Variants in GRIK1 observed in about 807,000 individuals in gnomAD.
GRIK1 encodes glutamate receptor ionotropic, kainate 1.
Under a neutral mutation model 105.7 loss-of-function variants are expected in GRIK1, and 69 were observed. The ratio of observed to expected loss-of-function variants is 0.65; its 90% CI spans 0.54 to 0.80. GRIK1 has a LOEUF of 0.80. Among genes scored for constraint, GRIK1 ranks in the 30% least tolerant of loss-of-function variants. The pLI, the probability that GRIK1 is intolerant of heterozygous loss-of-function variation, is 0.00. For synonymous variants in GRIK1, 438 were observed against 431.3 expected, an observed-to-expected ratio of 1.02 and a Z score of -0.19; for missense variants, 1,109 against 1,167.3, an observed-to-expected ratio of 0.95 and a Z score of 0.73.
chr21:29,903,256 G>A (rs187350061), intron 1 of GRIK1, among the ~76,000 whole-genome samples: 113 of 152,172 alleles, frequency 7.4e-4, no homozygotes, highest in African/African-American at 2.6e-3. Context: ...CAAAAGTGAT[G>A]GCAACAAAAG....
At chr21:29,673,640 A>G (rs1340100185) in intron 3 of GRIK1, among the ~76,000 whole-genome samples, 1 of 152,152 alleles carries the variant, frequency 6.6e-6, no homozygotes, top group African/African-American at 2.4e-5. Flanking sequence ...CAGCTAATTA[A>G]TTGGGTTGCT....
intron 1 of GRIK1, among the ~76,000 whole-genome samples, chr21:29,885,452 AT>A (rs1236000128): frequency 6.6e-5 from 10 of 152,102 alleles, no homozygotes; most frequent in Admixed American, 6.6e-4. Flanking sequence ...CTGCAAAAAA[AT>A]CTTGTGATAT....
At chr21:29,836,481 G>T (rs2067809614) in intron 1 of GRIK1, among the ~76,000 whole-genome samples, 1 of 152,004 alleles carries the variant, frequency 6.6e-6, no homozygotes, top group Non-Finnish European at 1.5e-5. Flanking sequence ...ATGTACAGTG[G>T]AACAATTATT....
At chr21:29,732,362 A>G (rs1198656375) in intron 1 of GRIK1, among the ~76,000 whole-genome samples, 1 of 152,142 alleles carries the variant, frequency 6.6e-6, no homozygotes, top group Non-Finnish European at 1.5e-5. Flanking sequence ...TCCACCTTCC[A>G]TTGCTGCAGT....
At chr21:29,916,282 G>A (rs461398) in intron 1 of GRIK1, among the ~76,000 whole-genome samples, 33,330 of 151,428 alleles carry the variant, frequency 0.22, 4,135 homozygotes, top group African/African-American at 0.34. Flanking sequence ...TTTATGCAAT[G>A]TCATACACCC....
intron 7 of GRIK1, among the ~76,000 whole-genome samples, chr21:29,626,591 C>G (rs1332368824): frequency 1.3e-5 from 2 of 152,160 alleles, no homozygotes; most frequent in African/African-American, 4.8e-5. Context: ...ATCACTTCTC[C>G]TTTTATTTGT....
chr21:29,620,793 C>CTATATATA (rs1421896438), intron 7 of GRIK1, among the ~76,000 whole-genome samples: 1 of 121,536 alleles, frequency 8.2e-6, no homozygotes, highest in African/African-American at 3.6e-5. Flanking sequence ...ATATATATAT[C>CTATATATA]TATATATATA....
At chr21:29,574,837 G>A (rs911530419) in intron 14 of GRIK1, among the ~76,000 whole-genome samples, 1 of 151,362 alleles carries the variant, frequency 6.6e-6, no homozygotes, top group Non-Finnish European at 1.5e-5. Context: ...ACAGGCGCCC[G>A]CCATCACGCC....
intron 1 of GRIK1, among the ~76,000 whole-genome samples, chr21:29,801,387 T>G (rs1447828291): frequency 2.6e-5 from 4 of 152,094 alleles, no homozygotes; most frequent in Non-Finnish European, 5.9e-5. Context: ...TTAATTATTT[T>G]TAGTCAGGCT....
chr21:29,931,465 C>A (rs1051503504), intron 1 of GRIK1, among the ~76,000 whole-genome samples: 4 of 152,134 alleles, frequency 2.6e-5, no homozygotes, highest in Non-Finnish European at 4.4e-5. Context: ...TGTTATCAAG[C>A]GTGAATACTA....
chr21:29,650,878 T>G (rs2146556925), intron 6 of GRIK1, among the ~76,000 whole-genome samples: 1 of 152,268 alleles, frequency 6.6e-6, no homozygotes, highest in South Asian at 2.1e-4. Flanking sequence ...CTGATAATGG[T>G]GATTACTCTT....
At chr21:29,574,863 TA>T (rs2090849660) in intron 14 of GRIK1, among the ~76,000 whole-genome samples, 1 of 149,198 alleles carries the variant, frequency 6.7e-6, no homozygotes, top group African/African-American at 2.6e-5. Context: ...AATATTTTTG[TA>T]TTTTTTTTTT....
chr21:29,933,096 A>T (rs2071630037), intron 1 of GRIK1, among the ~76,000 whole-genome samples: 2 of 152,154 alleles, frequency 1.3e-5, no homozygotes, highest in South Asian at 4.1e-4. Flanking sequence ...TTTATTAAGC[A>T]TGCAAAATAT....
chr21:29,596,408 C>A, intron 9 of GRIK1, 118 bp downstream of exon 9: 1 of 787,740 alleles, frequency 1.3e-6, no homozygotes. Context: ...ATGGAACTTC[C>A]CTTCTAAACT....
chr21:29,553,734 A>G (rs774281012), intron 16 of GRIK1: 1 of 1,450,308 alleles, frequency 6.9e-7, no homozygotes, highest in South Asian at 1.3e-5. Flanking sequence ...AGAAAAAAAT[A>G]TAGAAAAATG....
intron 1 of GRIK1, among the ~76,000 whole-genome samples, chr21:29,769,391 G>T (rs1034146733): frequency 6.6e-6 from 1 of 152,108 alleles, no homozygotes; most frequent in Admixed American, 6.6e-5. Context: ...AACCTTTTTG[G>T]CATGAGAAAC....
intron 1 of GRIK1, among the ~76,000 whole-genome samples, chr21:29,765,996 C>T (rs454908): frequency 0.78 from 118,735 of 151,648 alleles, 46,651 homozygotes; most frequent in Middle Eastern, 0.84. Flanking sequence ...GGACTACAGG[C>T]GCCCGCCACC....
intron 14 of GRIK1, among the ~76,000 whole-genome samples, chr21:29,563,024 T>A (rs1302730928): frequency 6.6e-6 from 1 of 152,178 alleles, no homozygotes; most frequent in Non-Finnish European, 1.5e-5. Flanking sequence ...TTTTTTAATT[T>A]TTCTTCATTT....
chr21:29,702,103 T>C (rs543236775), intron 1 of GRIK1, among the ~76,000 whole-genome samples: 55 of 152,120 alleles, frequency 3.6e-4, no homozygotes, highest in Non-Finnish European at 6.2e-4. Context: ...TGGGAACACA[T>C]GGACACATAG....
Sources: allele counts gnomAD v4.1 joint callset (sites outside exome capture counted in the v4.1 genomes callset), GRCh38; gene constraint gnomAD v4.1.1; transcripts MANE v1.5; gene names NCBI Gene and HGNC (gene_info 2026-07-23, HGNC 2026-07-21).